NAALADL2: variants seen among roughly 807,000 people sequenced by gnomAD.
The protein encoded by NAALADL2 is N-acetylated alpha-linked acidic dipeptidase like 2.
NAALADL2 carries 76 observed loss-of-function variants against 87.2 expected under a neutral mutation model. That is an observed-to-expected ratio of 0.87 (90% CI 0.72 to 1.05). NAALADL2 has a LOEUF of 1.05. Ranked by LOEUF, NAALADL2 falls within the 50% of genes least tolerant of loss-of-function variation. The probability of loss-of-function intolerance (pLI) is 0.00; values close to 1 mark genes in which losing one functional copy is unlikely to be tolerated. For missense variants in NAALADL2, 1,089 were observed against 945.8 expected, an observed-to-expected ratio of 1.15 and a Z score of -1.99; for synonymous variants, 354 against 331.0, an observed-to-expected ratio of 1.07 and a Z score of -0.75.
chr3:174,576,691 T>C (rs78759807), intron 2 of NAALADL2, among the ~76,000 whole-genome samples: 115 of 152,304 alleles, frequency 7.6e-4, no homozygotes, highest in African/African-American at 2.5e-3. Context: ...TGTGTTGGGG[T>C]TGAGAGCTTA....
At chr3:175,552,964 A>G (rs572629579) in intron 9 of NAALADL2, among the ~76,000 whole-genome samples, 16 of 152,228 alleles carry the variant, frequency 1.1e-4, no homozygotes, top group African/African-American at 3.8e-4. Context: ...TTTTTATTTT[A>G]TCAACTAAAT....
At chr3:175,359,929 G>A (rs1051482374) in intron 5 of NAALADL2, among the ~76,000 whole-genome samples, 2 of 152,018 alleles carry the variant, frequency 1.3e-5, no homozygotes, top group African/African-American at 2.4e-5. Context: ...CCCTAAAAGG[G>A]GCCACTTTAA....
chr3:174,798,821 A>C (rs7616497), intron 3 of NAALADL2, among the ~76,000 whole-genome samples: 64 of 152,060 alleles, frequency 4.2e-4, no homozygotes, highest in African/African-American at 1.5e-3. Context: ...ATAGTTCTTT[A>C]GTGGATTCCT....
intron 2 of NAALADL2, among the ~76,000 whole-genome samples, chr3:175,134,083 C>T (rs926302041): frequency 7.9e-5 from 12 of 152,282 alleles, no homozygotes; most frequent in African/African-American, 2.9e-4. Flanking sequence ...TGTTCACACA[C>T]ACACATTTGC....
intron 1 of NAALADL2, among the ~76,000 whole-genome samples, chr3:174,862,358 G>C (rs1395770054): frequency 6.6e-6 from 1 of 151,948 alleles, no homozygotes; most frequent in Non-Finnish European, 1.5e-5. Context: ...TTCCTGGAAG[G>C]GAACTACCTG....
intron 5 of NAALADL2, among the ~76,000 whole-genome samples, chr3:175,368,628 C>T (rs1185705823): frequency 3.3e-5 from 5 of 151,054 alleles, no homozygotes; most frequent in Non-Finnish European, 3.0e-5. Context: ...GTAGCAAATA[C>T]GTTCATGTGC....
At chr3:175,674,564 A>G (rs1734503518) in intron 11 of NAALADL2, among the ~76,000 whole-genome samples, 1 of 151,978 alleles carries the variant, frequency 6.6e-6, no homozygotes, top group African/African-American at 2.4e-5. Context: ...GTGCCCGGCG[A>G]CAGTTTGTTT....
chr3:175,386,690 T>G (rs377108889), intron 5 of NAALADL2, among the ~76,000 whole-genome samples: 34 of 152,262 alleles, frequency 2.2e-4, no homozygotes, highest in African/African-American at 7.9e-4. Context: ...TTGCCCACCA[T>G]TCTGGTTAGA....
intron 1 of NAALADL2, among the ~76,000 whole-genome samples, chr3:175,093,654 C>T (rs762462639): frequency 1.3e-5 from 2 of 150,976 alleles, no homozygotes; most frequent in African/African-American, 2.4e-5. Context: ...AATGCTTTAT[C>T]ATATATGTCA....
intron 13 of NAALADL2, among the ~76,000 whole-genome samples, chr3:175,802,049 A>T (rs924529566): frequency 6.6e-6 from 1 of 152,098 alleles, no homozygotes; most frequent in Non-Finnish European, 1.5e-5. Context: ...TGTTGCCTCT[A>T]TACTGTCTGT....
At chr3:175,084,475 C>T (rs1323588834) in intron 1 of NAALADL2, among the ~76,000 whole-genome samples, 1 of 152,118 alleles carries the variant, frequency 6.6e-6, no homozygotes, top group Non-Finnish European at 1.5e-5. Flanking sequence ...AGTTTAATTT[C>T]TTGGTACTCA....
chr3:175,053,231 T>C (rs1043927350), intron 1 of NAALADL2, among the ~76,000 whole-genome samples: 2 of 152,218 alleles, frequency 1.3e-5, no homozygotes, highest in Non-Finnish European at 2.9e-5. Context: ...CCAAGATTGA[T>C]AAATATGCCC....
intron 9 of NAALADL2, among the ~76,000 whole-genome samples, chr3:175,533,852 G>A (rs989902076): frequency 1.3e-5 from 2 of 152,096 alleles, no homozygotes; most frequent in South Asian, 4.1e-4. Context: ...GAAGCCAGGA[G>A]TTAGAATTCC....
At position 175,027,701 on chromosome 3, in the gene NAALADL2, C is replaced by CA. The variant is rs543629988; in HGVS notation, c.44-69083dup. On this transcript the variant is annotated intron_variant, in intron 1 of 13. Coordinates refer to ENST00000454872, the MANE Select transcript of NAALADL2 (RefSeq NM_207015.3). The stretch of plus-strand genomic sequence containing the variant: ...CCTTAATGTGGTATATTTTCTAGGT[C>CA]AAAAAATAGAAGAATATGACACAGA... Among the ~76,000 whole-genome samples the CA allele has an allele frequency of 3.9e-3, 592 of 152,018 alleles. 1 individual carries two copies. The highest frequency in any genetic ancestry group is 7.1e-3 in the Admixed American group (108 of 15,244).
intron 6 of NAALADL2, 97 bp from the exon 7 acceptor site, chr3:175,463,303 AT>A (rs1723435275): frequency 1.4e-6 from 1 of 702,072 alleles, no homozygotes; most frequent in African/African-American, 1.8e-5. Flanking sequence ...ATTCTGTGGA[AT>A]TCTTTTGCTG....
intron 11 of NAALADL2, among the ~76,000 whole-genome samples, chr3:175,730,410 A>G (rs1743536078): frequency 2.5e-5 from 2 of 81,030 alleles, no homozygotes; most frequent in East Asian, 2.9e-4. Context: ...ATATATATAT[A>G]TATATATATA....
At chr3:175,143,767 T>C (rs1730364241) in intron 2 of NAALADL2, among the ~76,000 whole-genome samples, 2 of 151,862 alleles carry the variant, frequency 1.3e-5, no homozygotes, top group Admixed American at 1.3e-4. Context: ...ATTCTCAAGT[T>C]TCTTTTTTCT....
At chr3:175,437,527 A>C (rs867553010) in intron 5 of NAALADL2, among the ~76,000 whole-genome samples, 10 of 143,944 alleles carry the variant, frequency 6.9e-5, no homozygotes, top group African/African-American at 2.6e-4. Flanking sequence ...CATACTGCCC[A>C]AGGTAATTTA....
intron 2 of NAALADL2, among the ~76,000 whole-genome samples, chr3:175,131,564 C>T (rs1253989137): frequency 6.6e-6 from 1 of 152,148 alleles, no homozygotes; most frequent in Non-Finnish European, 1.5e-5. Flanking sequence ...ACATGGCAAC[C>T]ATCCGATTTC....
Sources: allele counts gnomAD v4.1 joint callset (sites outside exome capture counted in the v4.1 genomes callset), GRCh38; gene constraint gnomAD v4.1.1; transcripts MANE v1.5; gene names NCBI Gene and HGNC (gene_info 2026-07-23, HGNC 2026-07-21).